Variants in DENND1A observed in about 807,000 individuals in gnomAD.
The protein encoded by DENND1A is DENN domain-containing protein 1A.
A neutral mutation model predicts 113.7 loss-of-function variants in DENND1A; 51 were observed. That is an observed-to-expected ratio of 0.45 (90% confidence interval 0.36 to 0.57). DENND1A has a LOEUF of 0.57. DENND1A is among the 20% of genes least tolerant of loss of function. The pLI, the probability that DENND1A is intolerant of heterozygous loss-of-function variation, is 0.00. For synonymous variants in DENND1A, 565 were observed against 570.8 expected, an observed-to-expected ratio of 0.99 and a Z score of 0.14; for missense variants, 1,258 against 1,395.9, an observed-to-expected ratio of 0.90 and a Z score of 1.57.
intron 21 of DENND1A, among the ~76,000 whole-genome samples, chr9:123,395,775 G>A (rs2043096060): frequency 6.6e-6 from 1 of 152,162 alleles, no homozygotes; most frequent in South Asian, 2.1e-4. Context: ...CTGGCACACA[G>A]TAGGTGCTCT....
chr9:123,930,081 A>C lies in DENND1A; in HGVS notation c.-176T>G. The C allele has an allele frequency of 1.0e-5, 2 of 195,942 alleles. No homozygotes were observed. Among genetic ancestry groups the C allele is most frequent in the South Asian group, 1.7e-4 (1 of 5,834 alleles). The allele number at this position is 195,942 out of a possible 1,614,324, so 12.1% of individuals were successfully genotyped here. A position where few individuals can be genotyped will look rare whatever the true frequency, so the allele number is the denominator to read the frequency against. On this transcript the variant is annotated 5_prime_UTR_variant, in exon 1 of 24. Coordinates refer to ENST00000394215, the MANE Select transcript of DENND1A (RefSeq NM_001352964.2). ...CCGCCGCCGCCGCCTCCAGGGGTTA[A>C]TGTACTCGCTCCAGCCCGGCGAACG...
chr9:123,528,679 C>T (rs2055043473), intron 13 of DENND1A, among the ~76,000 whole-genome samples: 1 of 152,182 alleles, frequency 6.6e-6, no homozygotes. Flanking sequence ...TCCTCCCTGC[C>T]TCCAGAAAGG....
intron 5 of DENND1A, among the ~76,000 whole-genome samples, chr9:123,688,841 G>A (rs1405386855): frequency 6.6e-6 from 1 of 152,048 alleles, no homozygotes; most frequent in Non-Finnish European, 1.5e-5. Context: ...AGATGGCACT[G>A]CTTTATTATA....
At chr9:123,432,432 C>T (rs185346423) in intron 19 of DENND1A, among the ~76,000 whole-genome samples, 2 of 152,262 alleles carry the variant, frequency 1.3e-5, no homozygotes, top group East Asian at 3.9e-4. Context: ...GCGAATGAGT[C>T]CAAACAACTC....
intron 12 of DENND1A, among the ~76,000 whole-genome samples, chr9:123,576,570 C>T (rs2058650454): frequency 6.6e-6 from 1 of 152,118 alleles, no homozygotes; most frequent in Admixed American, 6.5e-5. Flanking sequence ...GCAGCCTCGG[C>T]TCACTGAAAT....
At chr9:123,390,842 C>G (rs1234457351) in intron 21 of DENND1A, among the ~76,000 whole-genome samples, 3 of 152,258 alleles carry the variant, frequency 2.0e-5, no homozygotes, top group Admixed American at 6.5e-5. Flanking sequence ...TCCAGTCGCC[C>G]TCACGTCCAC....
chr9:123,710,375 C>T (rs59356096), intron 5 of DENND1A, among the ~76,000 whole-genome samples: 28,002 of 152,102 alleles, frequency 0.18, 2,765 homozygotes, highest in African/African-American at 0.27. Context: ...TTACAGGCAA[C>T]AATCAACTGG....
chr9:123,757,072 G>A (rs1027912591), intron 5 of DENND1A, among the ~76,000 whole-genome samples: 9 of 152,114 alleles, frequency 5.9e-5, no homozygotes, highest in Admixed American at 2.6e-4. Context: ...CTCCAAAATC[G>A]GATTTCCACA....
intron 2 of DENND1A, among the ~76,000 whole-genome samples, chr9:123,857,582 T>C (rs1844407101): frequency 6.6e-6 from 1 of 152,202 alleles, no homozygotes; most frequent in South Asian, 2.1e-4. Flanking sequence ...ATCAAAATTG[T>C]GTATTATGTG....
At chr9:123,608,126 C>G (rs139204826) in intron 11 of DENND1A, among the ~76,000 whole-genome samples, 215 of 152,164 alleles carry the variant, frequency 1.4e-3, no homozygotes, top group African/African-American at 5.0e-3. Flanking sequence ...ACTGTATGTG[C>G]TTAGGGCTGG....
intron 13 of DENND1A, among the ~76,000 whole-genome samples, chr9:123,464,079 C>G (rs1329987515): frequency 6.6e-6 from 1 of 152,000 alleles, no homozygotes; most frequent in Non-Finnish European, 1.5e-5. Flanking sequence ...AACTTAAAAA[C>G]AATAAAATAC....
intron 5 of DENND1A, among the ~76,000 whole-genome samples, chr9:123,739,922 G>GA (rs74357014): frequency 0.14 from 16,740 of 118,758 alleles, 962 homozygotes; most frequent in Admixed American, 0.17. Context: ...GTACATAGGA[G>GA]AAAAAAAAAA....
intron 13 of DENND1A, among the ~76,000 whole-genome samples, chr9:123,510,066 T>A (rs1036723950): frequency 6.6e-6 from 1 of 152,236 alleles, no homozygotes; most frequent in African/African-American, 2.4e-5. Flanking sequence ...TAATGTCCTA[T>A]GACTGCACTG....
At chr9:123,403,581 C>CA in intron 20 of DENND1A, 91 bp from the exon 21 acceptor site, 4 of 1,202,368 alleles carry the variant, frequency 3.3e-6, no homozygotes, top group Admixed American at 2.0e-5. Flanking sequence ...ACGGCCCCCC[C>CA]AAAAAACGTT....
intron 13 of DENND1A, among the ~76,000 whole-genome samples, chr9:123,466,223 T>C (rs2048935423): frequency 6.6e-6 from 1 of 152,004 alleles, no homozygotes; most frequent in Non-Finnish European, 1.5e-5. Context: ...GGTCTCCATC[T>C]CCTAACCTCA....
intron 11 of DENND1A, among the ~76,000 whole-genome samples, chr9:123,600,526 A>G (rs1278582869): frequency 2.6e-5 from 4 of 152,296 alleles, no homozygotes; most frequent in African/African-American, 2.4e-5. Context: ...CCCTCATTCA[A>G]TGGTCAAGAT....
At chr9:123,855,069 T>C (rs893548378) in intron 2 of DENND1A, among the ~76,000 whole-genome samples, 3 of 151,358 alleles carry the variant, frequency 2.0e-5, no homozygotes, top group African/African-American at 7.4e-5. Flanking sequence ...TCTATGTAAA[T>C]GGAGCTATTT....
chr9:123,855,874 C>G (rs564527551), intron 2 of DENND1A, among the ~76,000 whole-genome samples: 1 of 151,910 alleles, frequency 6.6e-6, no homozygotes, highest in Non-Finnish European at 1.5e-5. Context: ...CCCACCTCTG[C>G]TAAAAATAGA....
chr9:123,688,295 CA>C (rs2064947043), intron 5 of DENND1A, among the ~76,000 whole-genome samples: 1 of 152,136 alleles, frequency 6.6e-6, no homozygotes. Context: ...GGAATGGTTT[CA>C]GTAAAGTGTA....
Sources: allele counts gnomAD v4.1 joint callset (sites outside exome capture counted in the v4.1 genomes callset), GRCh38; gene constraint gnomAD v4.1.1; transcripts MANE v1.5; gene names NCBI Gene and HGNC (gene_info 2026-07-23, HGNC 2026-07-21).